Variants in C5 observed in about 807,000 individuals in gnomAD.
The protein encoded by C5 is C3 and PZP-like alpha-2-macroglobulin domain-containing protein 4.
C5 carries 140 observed loss-of-function variants against 218.8 expected under a neutral mutation model. That is an observed-to-expected ratio of 0.64 (90% CI 0.56 to 0.74). The LOEUF (loss-of-function observed/expected upper bound fraction) is 0.74, where lower values mean the gene tolerates loss of function less well. Among genes scored for constraint, C5 ranks in the 30% least tolerant of loss-of-function variants. The pLI is 0.00. For missense variants in C5, 1,700 were observed against 1,969.6 expected, an observed-to-expected ratio of 0.86 and a Z score of 2.59; for synonymous variants, 614 against 682.3, an observed-to-expected ratio of 0.90 and a Z score of 1.56.
intron 27 of C5, among the ~76,000 whole-genome samples, chr9:120,980,838 C>A (rs1475791743): frequency 6.6e-6 from 1 of 152,034 alleles, no homozygotes; most frequent in Non-Finnish European, 1.5e-5. Context: ...ACCTTGTGAT[C>A]CGCCCGCCTC....
In C5 at chr9:120,990,864, G is replaced by A. The variant is rs145502452; in HGVS notation, c.2941+327C>T. Among the ~76,000 whole-genome samples the A allele has an allele frequency of 1.1e-4, 17 of 152,316 alleles. 1 individual carries two copies. The highest frequency in any genetic ancestry group is 9.6e-4 in the East Asian group (5 of 5,188). On this transcript the variant is annotated intron_variant, in intron 23 of 40. Transcript: ENST00000223642. ...GCAGGCCATAGGCCTTCTCTGGAGC[G>A]GGACTGGCCACTAAGACCATGGAAA...
chr9:121,044,139 T>C (rs2047604892), intron 2 of C5, among the ~76,000 whole-genome samples: 1 of 152,182 alleles, frequency 6.6e-6, no homozygotes, highest in Non-Finnish European at 1.5e-5. Flanking sequence ...CAGATTGCTT[T>C]GTAAGTGCCT....
chr9:121,055,207 TAC>T (rs2047692304), upstream of C5, among the ~76,000 whole-genome samples: 1 of 152,162 alleles, frequency 6.6e-6, no homozygotes. Context: ...AACTATAACC[TAC>T]CTGCTTCAGG....
chr9:121,050,699 G>A (rs2047665431), upstream of C5, among the ~76,000 whole-genome samples: 2 of 152,174 alleles, frequency 1.3e-5, no homozygotes, highest in African/African-American at 4.8e-5. Flanking sequence ...GGTTTAGACA[G>A]GGCTCACAAG....
In C5 at chr9:121,017,528, A is replaced by G; in HGVS notation, c.1717-17T>C. On this transcript the variant is annotated splice_polypyrimidine_tract_variant and intron_variant, in intron 13 of 40. Coordinates refer to ENST00000223642, the MANE Select transcript of C5 (RefSeq NM_001735.3). ...CAGATGAACCTAAAAGTTCATTTGA[A>G]AAAGAAAAGAAAAGATCATTTGTAT... The G allele has an allele frequency of 2.5e-6, 4 of 1,612,928 alleles. No individual in the cohort carries two copies. Among genetic ancestry groups the G allele is most frequent in the Non-Finnish European group, 3.4e-6 (4 of 1,179,524 alleles).
the C5 span, among the ~76,000 whole-genome samples, chr9:121,069,110 C>T: frequency 6.6e-6 from 1 of 151,968 alleles, no homozygotes; most frequent in African/African-American, 2.4e-5. Flanking sequence ...TGAATAAGAC[C>T]TCAAAAATGC....
chr9:121,048,625 T>C (rs1021927402), intron 1 of C5, among the ~76,000 whole-genome samples: 2 of 152,218 alleles, frequency 1.3e-5, no homozygotes, highest in Non-Finnish European at 2.9e-5. Flanking sequence ...AAATACATAG[T>C]GTTTAGAAGC....
intron 11 of C5, 147 bp from the exon 12 acceptor site, chr9:121,020,326 G>A: frequency 1.5e-6 from 1 of 683,996 alleles, no homozygotes; most frequent in Non-Finnish European, 2.6e-6. Flanking sequence ...CATTACTTCA[G>A]TGTTTATACA....
intron 14 of C5, among the ~76,000 whole-genome samples, chr9:121,016,754 A>C (rs1446851336): frequency 6.6e-6 from 1 of 152,236 alleles, no homozygotes; most frequent in Non-Finnish European, 1.5e-5. Context: ...AATTAATTTT[A>C]AGTTGCTTTA....
chr9:120,978,584 T>G (rs2046969469), intron 28 of C5, among the ~76,000 whole-genome samples: 1 of 152,218 alleles, frequency 6.6e-6, no homozygotes, highest in African/African-American at 2.4e-5. Flanking sequence ...TATAGTAATT[T>G]TAAAATGATG....
intron 20 of C5, among the ~76,000 whole-genome samples, chr9:121,000,508 A>G (rs2047152516): frequency 6.6e-6 from 1 of 152,218 alleles, no homozygotes; most frequent in African/African-American, 2.4e-5. Context: ...AATTCAATAT[A>G]TATGGGGGCA....
At position 121,008,499 on chromosome 9, in the gene C5, C is replaced by A. The variant is rs1325565254; in HGVS notation, c.2258-1G>T. On this transcript the variant is annotated splice_acceptor_variant, in intron 17 of 40. Transcript: ENST00000223642. LOFTEE classifies it high-confidence loss of function. ...CTTACTGGTAACAGGGTCTTCATGT[C>A]TGGACAAAAAAATCATATTCAATTA... The A allele has an allele frequency of 6.2e-7, 1 of 1,606,988 alleles. No individual in the cohort carries two copies. The highest frequency in any genetic ancestry group is 1.1e-5 in the South Asian group (1 of 90,910).
intron 7 of C5, among the ~76,000 whole-genome samples, chr9:121,028,804 C>T (rs1587989977): frequency 6.6e-6 from 1 of 152,070 alleles, no homozygotes; most frequent in Non-Finnish European, 1.5e-5. Context: ...CAAACCTGCA[C>T]GTTGTGTACA....
chr9:120,996,432 T>C, intron 21 of C5, 132 bp from the exon 22 acceptor site: 1 of 763,008 alleles, frequency 1.3e-6, no homozygotes, highest in Non-Finnish European at 2.4e-6. Context: ...TATGTATAAA[T>C]ACTTACATGG....
intron 20 of C5, among the ~76,000 whole-genome samples, chr9:121,002,264 A>ACG (rs1564146551): frequency 1.3e-4 from 12 of 93,246 alleles, no homozygotes; most frequent in South Asian, 6.9e-4. Context: ...GTATATATGT[A>ACG]TATATATGTA....
chr9:120,990,197 A>G (rs1295237464), intron 23 of C5, among the ~76,000 whole-genome samples: 1 of 152,240 alleles, frequency 6.6e-6, no homozygotes. Context: ...ACTTTCTTTT[A>G]TATCCAACAG....
chr9:121,037,779 G>T, intron 4 of C5, 102 bp downstream of exon 4: 2 of 584,518 alleles, frequency 3.4e-6, no homozygotes, highest in Non-Finnish European at 6.2e-6. Flanking sequence ...ACCATTTATG[G>T]AACATTGAAT....
intron 28 of C5, chr9:120,979,721 T>C (rs2046977827): frequency 3.5e-6 from 1 of 286,810 alleles, no homozygotes; most frequent in Non-Finnish European, 6.8e-6. Context: ...GACTCGTATC[T>C]GCAAAATATA....
At chr9:120,986,224 G>GTA (rs2047031902) in intron 25 of C5, among the ~76,000 whole-genome samples, 2 of 151,836 alleles carry the variant, frequency 1.3e-5, no homozygotes, top group Admixed American at 1.3e-4. Context: ...ATGATTTCAT[G>GTA]TATATATATA....
Sources: allele counts gnomAD v4.1 joint callset (sites outside exome capture counted in the v4.1 genomes callset), GRCh38; gene constraint gnomAD v4.1.1; transcripts MANE v1.5; gene names NCBI Gene and HGNC (gene_info 2026-07-23, HGNC 2026-07-21).